The following PDXK variants were observed in gnomAD, a reference collection of about 807,000 sequenced individuals.
PDXK encodes the protein pyridoxal kinase, also known as epididymis secretory sperm binding protein Li 1a.
Under a neutral mutation model 43.2 loss-of-function variants are expected in PDXK, and 15 were observed. The ratio of observed to expected loss-of-function variants is 0.35; its 90% CI spans 0.23 to 0.53. The LOEUF is 0.53. PDXK is among the 20% of genes least tolerant of loss of function. PDXK has a pLI of 0.92. For missense variants in PDXK, 343 were observed against 417.0 expected (o/e 0.82, Z 1.54); for synonymous variants, 172 against 165.4 (o/e 1.04, Z -0.31).
At chr21:43,719,420 G>GC in intron 1 of PDXK, 39 bp downstream of exon 1, 4 of 1,492,674 alleles carry the variant, frequency 2.7e-6, no homozygotes, top group Non-Finnish European at 3.6e-6. Flanking sequence ...CGTAACCCGA[G>GC]CCCGTGACCT....
At chr21:43,749,833 G>A (rs1400183512) in intron 6 of PDXK, among the ~76,000 whole-genome samples, 1 of 152,228 alleles carries the variant, frequency 6.6e-6, no homozygotes, top group East Asian at 1.9e-4. Context: ...AGAGGAGTGT[G>A]TTGGGCTTGG....
chr21:43,749,167 C>A, intron 6 of PDXK, 87 bp downstream of exon 6: 1 of 737,650 alleles, frequency 1.4e-6, no homozygotes, highest in Non-Finnish European at 2.2e-6. Context: ...TGCAGTGGCA[C>A]GATCACAGCT....
In PDXK at chr21:43,755,757, T is replaced by C. The variant is rs749939325; in HGVS notation, c.819T>C (p.Cys273=). The C allele has an allele frequency of 6.2e-7, 1 of 1,613,990 alleles. No individual in the cohort carries two copies. The highest frequency in any genetic ancestry group is 8.5e-7 in the Non-Finnish European group (1 of 1,179,884). ...LHHVLQRTIQ[C]AKAQAGEGVR... is the part of the protein sequence containing the mutation. ...ACGTTCTGCAGAGGACCATCCAGTG[T>C]GCAAAAGGTACGGCGGCCGGGCTGC... The change falls in exon 10 of 11, where the codon TGT becomes TGC. Residue 273 remains cysteine (C), a synonymous_variant. Transcript: ENST00000291565.
chr21:43,750,196 T>C (rs2083710259), intron 6 of PDXK, among the ~76,000 whole-genome samples: 1 of 152,248 alleles, frequency 6.6e-6, no homozygotes, highest in East Asian at 1.9e-4. Context: ...CAGTCACCCA[T>C]GCTGAGACCC....
rs2083380217 is a variant in PDXK at position 43,735,010 on chromosome 21, C to A, written c.142+887C>A. ...GGAGTGGGAAGGAATGCTGTGGTTT[C>A]TTTTGAGGTGGGCATGACACGTGCT... On this transcript the variant is annotated intron_variant, in intron 2 of 10. Transcript: ENST00000291565. This position sits in a 1 kb window ranked among gnomAD's most constrained non-coding sequence, Gnocchi z 5.3. Among the ~76,000 whole-genome samples the A allele has an allele frequency of 1.3e-5, 2 of 152,216 alleles. No homozygotes were observed. Among genetic ancestry groups the A allele is most frequent in the South Asian group, 4.1e-4 (2 of 4,830 alleles).
intron 2 of PDXK, among the ~76,000 whole-genome samples, chr21:43,740,531 C>T (rs2083479719): frequency 6.6e-6 from 1 of 152,130 alleles, no homozygotes. Flanking sequence ...TGTGGGGTAT[C>T]CATGGTGGAC....
At position 43,761,693 on chromosome 21, in the gene PDXK, G is replaced by A. The variant is rs531011904; in HGVS notation, c.*5630G>A. 318 of 152,184 alleles carry A rather than the reference G, an allele frequency of 2.1e-3. 1 individual carries two copies. Among genetic ancestry groups the A allele is most frequent in the African/African-American group, 7.2e-3 (299 of 41,532 alleles). The allele number at this position is 152,184 out of a possible 1,614,324, so 9.4% of individuals were successfully genotyped here. On this transcript the variant is annotated 3_prime_UTR_variant, in exon 11 of 11. Coordinates refer to ENST00000291565, the MANE Select transcript of PDXK (RefSeq NM_003681.5). ...AGACCCAGCCCCTGGCAGGAGGAGG[G>A]TGGGTGCAGGGCTGGTGGGACAAAA...
Position 43,737,222 on chromosome 21 carries a change from C to T in PDXK, c.142+3099C>T. 1.4e-6 allele frequency: 2 copies of T among 1,432,944 alleles called. No homozygotes were observed. The highest frequency in any genetic ancestry group is 9.1e-7 in the Non-Finnish European group (1 of 1,096,366). The allele number at this position is 1,432,944 out of a possible 1,614,324, so 88.8% of individuals were successfully genotyped here. On this transcript the variant is annotated intron_variant, in intron 2 of 10. Coordinates refer to ENST00000291565, the MANE Select transcript of PDXK (RefSeq NM_003681.5). This position sits in a 1 kb window ranked among gnomAD's most constrained non-coding sequence, Gnocchi z 4.8. ...GCTGCGTTGTTGGTTCCCTGACGCCCTTCAGGCTGGGGGGTGGGAAAGCCG... is the reference window on the plus strand; with the variant it reads ...GCTGCGTTGTTGGTTCCCTGACGCCTTTCAGGCTGGGGGGTGGGAAAGCCG...
In PDXK at chr21:43,741,585, A is replaced by C. The variant is rs371694943; in HGVS notation, c.143-82A>C. On this transcript the variant is annotated intron_variant, in intron 2 of 10. Transcript: ENST00000291565. ...AGCCGTCCACCAGGCAGCCTCAGGGAGAGTGGGCGGGTGTCAAGGGAAGCC... is the reference window on the plus strand; with the variant it reads ...AGCCGTCCACCAGGCAGCCTCAGGGCGAGTGGGCGGGTGTCAAGGGAAGCC... The C allele has an allele frequency of 2.8e-5, 44 of 1,574,262 alleles. No individual in the cohort carries two copies. The East Asian group carries it at 8.1e-4, about 29-fold the overall frequency.
chr21:43,756,326 G>C lies in PDXK; in HGVS notation c.*263G>C, dbSNP rs2083850478. 2.7e-6 allele frequency: 1 copy of C among 366,886 alleles called. No homozygotes were observed. Among genetic ancestry groups the C allele is most frequent in the Non-Finnish European group, 5.1e-6 (1 of 195,444 alleles). The allele number at this position is 366,886 out of a possible 1,614,324, so 22.7% of individuals were successfully genotyped here. On this transcript the variant is annotated 3_prime_UTR_variant, in exon 11 of 11. Transcript: ENST00000291565. ...TGGGCCTCCGGGAAGACGGGCCCCT[G>C]TTTGCCATCTCGGGGGTGTTCCCTG...
chr21:43,740,462 G>A (rs2083478315), intron 2 of PDXK, among the ~76,000 whole-genome samples: 1 of 151,994 alleles, frequency 6.6e-6, no homozygotes, highest in Admixed American at 6.6e-5. Context: ...CATTAGAGGG[G>A]TGATTCATGT....
At position 43,732,506 on chromosome 21, in the gene PDXK, A is replaced by G. The variant is rs1260282220; in HGVS notation, c.88-1563A>G. ...GCTCGTGCTCTCATTTAAAAGCAGA[A>G]AATAGCGACTTCATTCTCGGATACG... is the stretch of plus-strand genomic sequence containing the variant. On this transcript the variant is annotated intron_variant, in intron 1 of 10. Coordinates refer to ENST00000291565, the MANE Select transcript of PDXK (RefSeq NM_003681.5). The surrounding 1 kb of genome is among the most constrained non-coding windows in gnomAD (Gnocchi z 4.1). 1 of 1,412,774 alleles carries G rather than the reference A, an allele frequency of 7.1e-7. No homozygotes were observed. The highest frequency in any genetic ancestry group is 1.0e-6 in the Non-Finnish European group (1 of 997,108). 87.5% of individuals were successfully genotyped at this position (1,412,774 alleles called of 1,614,324 possible).
At chr21:43,755,918 A>G in intron 10 of PDXK, 33 bp from the exon 11 acceptor site, 1 of 1,542,278 alleles carries the variant, frequency 6.5e-7, no homozygotes, top group African/African-American at 1.4e-5. Flanking sequence ...CCCCTCTGAG[A>G]TGGGAACTCA....
At position 43,754,388 on chromosome 21, in the gene PDXK, G is replaced by A. The variant is rs1209667864; in HGVS notation, c.759+669G>A. On this transcript the variant is annotated intron_variant, in intron 9 of 10. Transcript: ENST00000291565. This position sits in a 1 kb window ranked among gnomAD's most constrained non-coding sequence, Gnocchi z 5.5. ...CGTGTGTCCCATGGGTAAGCACACAGCTCAGCGGGGACAGAGGAGTTTTGT... is the reference window on the plus strand; with the variant it reads ...CGTGTGTCCCATGGGTAAGCACACAACTCAGCGGGGACAGAGGAGTTTTGT... Among the ~76,000 whole-genome samples, 1 of 152,232 alleles carries A rather than the reference G, an allele frequency of 6.6e-6. No homozygotes were observed. The highest frequency in any genetic ancestry group is 1.5e-5 in the Non-Finnish European group (1 of 68,036).
intron 1 of PDXK, among the ~76,000 whole-genome samples, chr21:43,722,364 G>A (rs2083213053): frequency 1.3e-5 from 2 of 152,214 alleles, no homozygotes; most frequent in Admixed American, 6.5e-5. Context: ...CTCACTGCAT[G>A]GGGGAGATCC....
In PDXK at chr21:43,732,416, G is replaced by A. The variant is rs1023033588; in HGVS notation, c.88-1653G>A. 1 of 1,612,904 alleles carries A rather than the reference G, an allele frequency of 6.2e-7. No individual in the cohort carries two copies. ...GGAAGCGTCCAGACCAGCTTGCGATGCTGATGAATAAGCTGATTTTGATGG... is the reference window on the plus strand; with the variant it reads ...GGAAGCGTCCAGACCAGCTTGCGATACTGATGAATAAGCTGATTTTGATGG... On this transcript the variant is annotated intron_variant, in intron 1 of 10. Transcript: ENST00000291565. This position sits in a 1 kb window ranked among gnomAD's most constrained non-coding sequence, Gnocchi z 4.1.
intron 8 of PDXK, among the ~76,000 whole-genome samples, 172 bp from the exon 9 acceptor site, chr21:43,753,411 C>T (rs973958284): frequency 1.3e-5 from 2 of 152,146 alleles, no homozygotes; most frequent in African/African-American, 4.8e-5. Context: ...TCCCTTGCTG[C>T]GGTGATGGGG....
At chr21:43,747,521 G>A (rs996985906) in intron 5 of PDXK, among the ~76,000 whole-genome samples, 7 of 152,224 alleles carry the variant, frequency 4.6e-5, no homozygotes, top group South Asian at 2.1e-4. Flanking sequence ...TGGGTGGGGC[G>A]GGCTGGTGTG....
Position 43,754,873 on chromosome 21 carries a change from G to A in PDXK, c.760-825G>A, listed in dbSNP as rs1274607945. Among the ~76,000 whole-genome samples, 1 of 152,118 alleles carries A rather than the reference G, an allele frequency of 6.6e-6. No individual in the cohort carries two copies. The highest frequency in any genetic ancestry group is 1.5e-5 in the Non-Finnish European group (1 of 68,012). On this transcript the variant is annotated intron_variant, in intron 9 of 10. Transcript: ENST00000291565. This position sits in a 1 kb window ranked among gnomAD's most constrained non-coding sequence, Gnocchi z 5.5. ...CAAGTCAGTTTCAGCTGAGTGTCCT[G>A]GTGTGTAAAATGGAAGAGGTGGACT...
Sources: allele counts gnomAD v4.1 joint callset (sites outside exome capture counted in the v4.1 genomes callset), GRCh38; gene constraint gnomAD v4.1.1; non-coding constraint Gnocchi (gnomAD v3.1); transcripts MANE v1.5; gene names NCBI Gene and HGNC (gene_info 2026-07-23, HGNC 2026-07-21).